Variants in CCDC13 observed in about 807,000 individuals in gnomAD.
CCDC13 encodes coiled-coil domain-containing protein 13.
A neutral mutation model predicts 87.3 loss-of-function variants in CCDC13; 70 were observed. The observed-to-expected ratio is 0.80, with a 90% confidence interval of 0.66 to 0.98. The LOEUF is 0.98. Among genes scored for constraint, CCDC13 ranks in the 50% least tolerant of loss-of-function variants. CCDC13 has a pLI of 0.00. For missense variants in CCDC13, 842 were observed against 892.0 expected (o/e 0.94, Z 0.71); for synonymous variants, 317 against 360.3 (o/e 0.88, Z 1.36).
chr3:42,755,269 C>A (rs1047554400), intron 3 of CCDC13, among the ~76,000 whole-genome samples: 1 of 152,070 alleles, frequency 6.6e-6, no homozygotes, highest in Non-Finnish European at 1.5e-5. Flanking sequence ...CAAAAGAAAC[C>A]GATCTATCAA....
intron 13 of CCDC13, among the ~76,000 whole-genome samples, chr3:42,720,266 G>A (rs1698530665): frequency 6.6e-6 from 1 of 152,112 alleles, no homozygotes; most frequent in Non-Finnish European, 1.5e-5. Context: ...TTAAAAAAAG[G>A]GAATTTACGC....
At chr3:42,725,188 G>T (rs979179432) in intron 13 of CCDC13, among the ~76,000 whole-genome samples, 3 of 152,270 alleles carry the variant, frequency 2.0e-5, no homozygotes, top group South Asian at 2.1e-4. Flanking sequence ...AACTGTGAGG[G>T]TATGGGGAAA....
chr3:42,713,449 G>T (rs946882716), intron 13 of CCDC13, 133 bp from the exon 14 acceptor site: 5 of 836,222 alleles, frequency 6.0e-6, no homozygotes, highest in Non-Finnish European at 7.4e-6. Context: ...TTTCATTGCA[G>T]TAACACAGGA....
chr3:42,755,413 A>G (rs1699683919), intron 3 of CCDC13, among the ~76,000 whole-genome samples: 1 of 152,072 alleles, frequency 6.6e-6, no homozygotes, highest in Admixed American at 6.6e-5. Context: ...TCGAGACCAG[A>G]CTAGCCAACA....
chr3:42,750,517 G>C (rs1699547817), intron 5 of CCDC13, among the ~76,000 whole-genome samples: 1 of 152,192 alleles, frequency 6.6e-6, no homozygotes, highest in African/African-American at 2.4e-5. Context: ...ACCCAGGCTG[G>C]AGTGCAGTGG....
At chr3:42,722,330 A>G (rs1010791123) in intron 13 of CCDC13, among the ~76,000 whole-genome samples, 15 of 152,142 alleles carry the variant, frequency 9.9e-5, no homozygotes, top group Non-Finnish European at 1.9e-4. Context: ...TGGTTCTCCT[A>G]TAAAAGGGAT....
At chr3:42,752,831 C>A (rs966192761) in intron 3 of CCDC13, 114 bp from the exon 4 acceptor site, 32 of 1,308,754 alleles carry the variant, frequency 2.4e-5, no homozygotes, top group Non-Finnish European at 3.3e-5. Context: ...GGCATGAATG[C>A]TCATAAAGGG....
At chr3:42,758,693 C>T (rs1455370196) in intron 1 of CCDC13, among the ~76,000 whole-genome samples, 1 of 152,214 alleles carries the variant, frequency 6.6e-6, no homozygotes. Context: ...ATAACAATGC[C>T]TGGGACCATT....
intron 14 of CCDC13, among the ~76,000 whole-genome samples, chr3:42,712,546 G>A (rs2125868432): frequency 6.6e-6 from 1 of 152,334 alleles, no homozygotes; most frequent in East Asian, 1.9e-4. Context: ...CTGATGGGAT[G>A]AGAGCAGAAG....
intron 5 of CCDC13, among the ~76,000 whole-genome samples, chr3:42,750,289 G>A (rs1051206234): frequency 1.3e-5 from 2 of 152,096 alleles, no homozygotes; most frequent in Admixed American, 1.3e-4. Flanking sequence ...GCTCAGGGAC[G>A]CCCTCCTCCG....
At chr3:42,717,545 G>A (rs1285107096) in intron 13 of CCDC13, among the ~76,000 whole-genome samples, 3 of 152,120 alleles carry the variant, frequency 2.0e-5, no homozygotes, top group Admixed American at 2.0e-4. Flanking sequence ...TTTGGAAATA[G>A]AGATAACGGT....
chr3:42,758,888 C>T (rs370047332), intron 1 of CCDC13, among the ~76,000 whole-genome samples: 13 of 152,162 alleles, frequency 8.5e-5, no homozygotes, highest in African/African-American at 2.7e-4. Context: ...AGGGCACTTA[C>T]GGTCCCTGAG....
intron 1 of CCDC13, among the ~76,000 whole-genome samples, chr3:42,760,254 G>C (rs979608097): frequency 6.6e-6 from 1 of 151,648 alleles, no homozygotes; most frequent in African/African-American, 2.4e-5. Flanking sequence ...TCATGCCATT[G>C]CACTCCAGCC....
chr3:42,739,291 C>T (rs1699134364), intron 9 of CCDC13, among the ~76,000 whole-genome samples: 2 of 152,186 alleles, frequency 1.3e-5, no homozygotes, highest in South Asian at 4.1e-4. Context: ...AGAACTGGTA[C>T]TGGCTCCTCT....
intron 1 of CCDC13, 111 bp from the exon 2 acceptor site, chr3:42,758,462 T>C (rs1559661344): frequency 6.0e-6 from 6 of 1,004,908 alleles, no homozygotes; most frequent in Middle Eastern, 3.2e-4. Context: ...TCGCGTTGCA[T>C]GTATGTCCAC....
At chr3:42,749,041 G>A (rs1166815467) in intron 5 of CCDC13, among the ~76,000 whole-genome samples, 2 of 152,240 alleles carry the variant, frequency 1.3e-5, no homozygotes, top group East Asian at 3.9e-4. Flanking sequence ...TTACAGATGT[G>A]AGCCACCGTG....
intron 3 of CCDC13, among the ~76,000 whole-genome samples, chr3:42,754,900 G>C (rs1699672343): frequency 6.6e-6 from 1 of 152,100 alleles, no homozygotes; most frequent in African/African-American, 2.4e-5. Context: ...GCAACCCCTT[G>C]ATAAATGGGG....
At chr3:42,761,588 T>A (rs1699832782) in intron 1 of CCDC13, among the ~76,000 whole-genome samples, 1 of 152,232 alleles carries the variant, frequency 6.6e-6, no homozygotes, top group African/African-American at 2.4e-5. Flanking sequence ...ATGGCAGGCA[T>A]GGAATGAATA....
At chr3:42,730,942 T>C (rs182288221) in intron 12 of CCDC13, among the ~76,000 whole-genome samples, 1 of 152,182 alleles carries the variant, frequency 6.6e-6, no homozygotes, top group East Asian at 1.9e-4. Context: ...CTGGCTGCCC[T>C]ACCCAGTGTC....
Sources: allele counts gnomAD v4.1 joint callset (sites outside exome capture counted in the v4.1 genomes callset), GRCh38; gene constraint gnomAD v4.1.1; transcripts MANE v1.5; gene names NCBI Gene and HGNC (gene_info 2026-07-23, HGNC 2026-07-21).